Variants in DDX52 observed in about 807,000 individuals in gnomAD.
The protein encoded by DDX52 is DExD-box helicase 52, also known as probable ATP-dependent RNA helicase DDX52.
In DDX52, 59 loss-of-function variants were observed where a neutral mutation model predicts 76.1. The ratio of observed to expected loss-of-function variants is 0.78; its 90% confidence interval spans 0.63 to 0.96. The LOEUF (loss-of-function observed/expected upper bound fraction) is 0.96, where lower values mean the gene tolerates loss of function less well. DDX52 is among the 40% of genes least tolerant of loss of function. DDX52 has a pLI of 0.00. For missense variants in DDX52, 707 were observed against 703.9 expected, an observed-to-expected ratio of 1.00 and a Z score of -0.05; for synonymous variants, 231 against 244.1, an observed-to-expected ratio of 0.95 and a Z score of 0.50.
At chr17:37,641,129 G>A (rs1313840058) in intron 2 of DDX52, among the ~76,000 whole-genome samples, 4 of 151,798 alleles carry the variant, frequency 2.6e-5, no homozygotes, top group Admixed American at 2.0e-4. Context: ...GGTGGCTCAC[G>A]CCTGTAATCC....
chr17:37,612,846 CAA>C lies in DDX52; in HGVS notation c.*1448_*1449del, dbSNP rs1187965264. On this transcript the variant is annotated 3_prime_UTR_variant, in exon 15 of 15. Coordinates refer to ENST00000617633, the MANE Select transcript of DDX52 (RefSeq NM_007010.5). The stretch of plus-strand genomic sequence containing the variant: ...AACTCTGAGAAATTAAGAACTTACT[CAA>C]AGTCACACAGCTGGCAAATGGGTTG... 4 of 152,162 alleles carry C rather than the reference CAA, an allele frequency of 2.6e-5. No homozygotes were observed. The highest frequency in any genetic ancestry group is 5.9e-5 in the Non-Finnish European group (4 of 68,014). The allele number at this position is 152,162 out of a possible 1,614,324, so 9.4% of individuals were successfully genotyped here.
In DDX52 at chr17:37,630,127, A is replaced by C; in HGVS notation, c.650T>G (p.Leu217Ter). ...CATTAAAATAGGAATGCTAAAAGCT[A>C]ATGTTTTTCCAGATCCAGTTGGAGC... ...ASAPTGSGKT[L>*]AFSIPILMQL... is the part of the protein sequence containing the mutation. The change falls in exon 5 of 15, where the codon TTA becomes TGA. Residue 217 changes from leucine (L) to a stop codon, truncating the protein, a stop_gained. Coordinates refer to ENST00000617633, the MANE Select transcript of DDX52 (RefSeq NM_007010.5). LOFTEE classifies it high-confidence loss of function. 6.2e-7 allele frequency: 1 copy of C among 1,613,938 alleles called. No individual in the cohort carries two copies. The highest frequency in any genetic ancestry group is 8.5e-7 in the Non-Finnish European group (1 of 1,179,970).
intron 14 of DDX52, among the ~76,000 whole-genome samples, chr17:37,616,874 C>T (rs776840073): frequency 1.2e-4 from 18 of 152,084 alleles, no homozygotes; most frequent in Non-Finnish European, 2.1e-4. Context: ...ATAGACAATA[C>T]CAACATGTGA....
chr17:37,618,390 A>C lies in DDX52; in HGVS notation c.1650-6T>G, dbSNP rs2029906970. ...TCATCTTTTTCTTTTGTTTGCTGAA[A>C]GTTACAAAGTAAAAAAGGAAAAGAA... On this transcript the variant is annotated splice_region_variant and splice_polypyrimidine_tract_variant and intron_variant, in intron 13 of 14. Coordinates refer to ENST00000617633, the MANE Select transcript of DDX52 (RefSeq NM_007010.5). The C allele has an allele frequency of 6.3e-7, 1 of 1,576,142 alleles. No homozygotes were observed. Among genetic ancestry groups the C allele is most frequent in the Non-Finnish European group, 8.6e-7 (1 of 1,167,836 alleles).
intron 14 of DDX52, among the ~76,000 whole-genome samples, chr17:37,615,874 C>T (rs2064419259): frequency 6.6e-6 from 1 of 151,746 alleles, no homozygotes; most frequent in Non-Finnish European, 1.5e-5. Flanking sequence ...ATTAGCTGGG[C>T]ATGGTGGTGT....
rs199587106 is a variant in DDX52, at chr17:37,643,405, G to T, written c.16C>A (p.Leu6Ile). 25 of 1,614,000 alleles carry T rather than the reference G, an allele frequency of 1.5e-5. No homozygotes were observed. The African/African-American group carries it at 2.8e-4, about 18-fold the overall frequency. ...GCCCCCGCGCCGAGCCGGCGAAAGA[G>T]ATCGTGGACGTCCATCTTTACCCAG... MDVHD[L>I]FRRLGAGAKF... is the part of the protein sequence containing the mutation. Residue 6 changes from leucine to isoleucine, a missense_variant, in exon 1 of 15, where the codon CTC (leucine) becomes ATC (isoleucine). Coordinates refer to ENST00000617633, the MANE Select transcript of DDX52 (RefSeq NM_007010.5).
At chr17:37,642,370 A>G in intron 1 of DDX52, 62 bp from the exon 2 acceptor site, 2 of 1,519,198 alleles carry the variant, frequency 1.3e-6, no homozygotes, top group Non-Finnish European at 1.8e-6. Flanking sequence ...TCATTCAAGC[A>G]AGACTGTTCA....
intron 4 of DDX52, chr17:37,631,660 C>A: frequency 6.3e-6 from 1 of 158,910 alleles, no homozygotes; most frequent in Non-Finnish European, 1.4e-5. Context: ...AAAAATAAGT[C>A]AGTTTATGTA....
rs1271178058 is a variant in DDX52, at chr17:37,611,881, A to C, written c.*2415T>G. The stretch of plus-strand genomic sequence containing the variant: ...GAGGCTGAGGTTTGAGGATCACTTG[A>C]GTCTAAGAGGTCAAGGCTGCAGTGG... On this transcript the variant is annotated 3_prime_UTR_variant, in exon 15 of 15. Transcript: ENST00000617633. 1 of 149,360 alleles carries C rather than the reference A, an allele frequency of 6.7e-6. No individual in the cohort carries two copies. Among genetic ancestry groups the C allele is most frequent in the African/African-American group, 2.4e-5 (1 of 40,870 alleles). 9.3% of individuals were successfully genotyped at this position (149,360 alleles called of 1,614,324 possible).
In DDX52 at chr17:37,614,247, C is replaced by T. The variant is rs940578319; in HGVS notation, c.*49G>A. The stretch of plus-strand genomic sequence containing the variant: ...GTATTCCATGAAAATAACATTCATG[C>T]TGGGATCATAAAATTACATTTCTGG... On this transcript the variant is annotated 3_prime_UTR_variant, in exon 15 of 15. Coordinates refer to ENST00000617633, the MANE Select transcript of DDX52 (RefSeq NM_007010.5). 3.2e-6 allele frequency: 5 copies of T among 1,574,376 alleles called. No individual in the cohort carries two copies. In the African/African-American group the frequency reaches 6.8e-5, roughly 21 times the overall value.
chr17:37,627,427 T>C (rs2030441573), intron 6 of DDX52, among the ~76,000 whole-genome samples: 1 of 152,084 alleles, frequency 6.6e-6, no homozygotes, highest in Non-Finnish European at 1.5e-5. Context: ...CTTTTATTTT[T>C]GTAGAAACAG....
At chr17:37,622,926 A>G (rs1014258006) in intron 9 of DDX52, among the ~76,000 whole-genome samples, 13 of 152,230 alleles carry the variant, frequency 8.5e-5, no homozygotes, top group Admixed American at 8.5e-4. Flanking sequence ...TCTATGAGGT[A>G]GATATTATTA....
At chr17:37,621,656 T>A in intron 9 of DDX52, 136 bp from the exon 10 acceptor site, 1 of 1,115,436 alleles carries the variant, frequency 9.0e-7, no homozygotes, top group Non-Finnish European at 1.2e-6. Flanking sequence ...GGGCTAGTGG[T>A]CTAATTCTGC....
chr17:37,626,784 A>G lies in DDX52; in HGVS notation c.932+4T>C, dbSNP rs746748761. The stretch of plus-strand genomic sequence containing the variant: ...CACGAAAGACATGAAAATATCATCT[A>G]TACCTTGCTAGGTCGATTCCGGGGG... On this transcript the variant is annotated splice_donor_region_variant and intron_variant, in intron 7 of 14. Coordinates refer to ENST00000617633, the MANE Select transcript of DDX52 (RefSeq NM_007010.5). 17 of 1,609,362 alleles carry G rather than the reference A, an allele frequency of 1.1e-5. No homozygotes were observed. Among genetic ancestry groups the G allele is most frequent in the Non-Finnish European group, 1.4e-5 (17 of 1,177,644 alleles).
At chr17:37,629,721 AT>A (rs1472077504) in intron 5 of DDX52, among the ~76,000 whole-genome samples, 4 of 152,130 alleles carry the variant, frequency 2.6e-5, no homozygotes, top group African/African-American at 9.6e-5. Flanking sequence ...ATGAGTATTC[AT>A]TTTTTTTAGA....
chr17:37,626,221 A>C lies in DDX52; in HGVS notation c.933-123T>G. ...TAATGCTGCTTCTCAGATCCACTTT[A>C]TCATACCAAAAAAAAAAAATAAGAA... On this transcript the variant is annotated intron_variant, in intron 7 of 14. Transcript: ENST00000617633. 2 of 989,080 alleles carry C rather than the reference A, an allele frequency of 2.0e-6. 1 individual carries two copies. The allele number at this position is 989,080 out of a possible 1,614,324, so 61.3% of individuals were successfully genotyped here.
chr17:37,617,261 G>A (rs990749829), intron 14 of DDX52, among the ~76,000 whole-genome samples: 5 of 152,122 alleles, frequency 3.3e-5, no homozygotes, highest in Non-Finnish European at 7.3e-5. Flanking sequence ...ATAAGCATTA[G>A]CATATTTCAC....
chr17:37,614,141 T>G lies in DDX52; in HGVS notation c.*155A>C. On this transcript the variant is annotated 3_prime_UTR_variant, in exon 15 of 15. Transcript: ENST00000617633. ...CACCTACAAATTGAAACTGACTTGA[T>G]AGTTTAGGATCATTTATCACCAGTC... 1 of 728,232 alleles carries G rather than the reference T, an allele frequency of 1.4e-6. No homozygotes were observed. The highest frequency in any genetic ancestry group is 2.1e-6 in the Non-Finnish European group (1 of 475,298). 45.1% of individuals were successfully genotyped at this position (728,232 alleles called of 1,614,324 possible). A position where few individuals can be genotyped will look rare whatever the true frequency, so the allele number is the denominator to read the frequency against.
chr17:37,621,583 T>G, intron 9 of DDX52, 63 bp from the exon 10 acceptor site: 1 of 1,533,786 alleles, frequency 6.5e-7, no homozygotes, highest in Admixed American at 2.2e-5. Context: ...CATTATTTCA[T>G]AATTTGATTG....
Sources: gnomAD v4.1 joint callset for allele counts (sites outside exome capture counted in the v4.1 genomes callset) on GRCh38, gnomAD v4.1.1 for gene constraint, MANE v1.5 for transcripts, NCBI Gene and HGNC (gene_info 2026-07-23, HGNC 2026-07-21) for gene names.